CCDC125: variants seen among roughly 807,000 people sequenced by gnomAD.
CCDC125 encodes coiled-coil domain-containing protein 125.
Under a neutral mutation model 57.4 loss-of-function variants are expected in CCDC125, and 43 were observed. That is an observed-to-expected ratio of 0.75 (90% CI 0.59 to 0.97). The LOEUF (loss-of-function observed/expected upper bound fraction) is 0.97, where lower values mean the gene tolerates loss of function less well. CCDC125 is among the 50% of genes least tolerant of loss of function. The probability of loss-of-function intolerance (pLI) is 0.00; values close to 1 mark genes in which losing one functional copy is unlikely to be tolerated. For synonymous variants in CCDC125, 187 were observed against 195.2 expected, an observed-to-expected ratio of 0.96 and a Z score of 0.35; for missense variants, 563 against 595.7, an observed-to-expected ratio of 0.95 and a Z score of 0.57.
chr5:69,326,360 T>C (rs1760738186), intron 1 of CCDC125, among the ~76,000 whole-genome samples: 1 of 152,222 alleles, frequency 6.6e-6, no homozygotes, highest in Admixed American at 6.6e-5. Flanking sequence ...AAAATCATCT[T>C]GGTTCTTTTA....
intron 7 of CCDC125, 23 bp downstream of exon 7, chr5:69,303,824 C>T (rs778542252): frequency 6.5e-6 from 9 of 1,390,642 alleles, no homozygotes; most frequent in South Asian, 1.2e-5. Context: ...TACATGTGCT[C>T]TTAATACAAA....
chr5:69,301,850 T>C (rs993806700), intron 7 of CCDC125, among the ~76,000 whole-genome samples: 2 of 151,768 alleles, frequency 1.3e-5, no homozygotes, highest in African/African-American at 2.4e-5. Flanking sequence ...TGAGCCAAGA[T>C]TGTGCCACTG....
At chr5:69,279,188 A>G (rs1752343643), downstream of CCDC125, among the ~76,000 whole-genome samples, 1 of 135,000 alleles carries the variant, frequency 7.4e-6, no homozygotes, top group Admixed American at 8.1e-5. Context: ...TACCAAGCTC[A>G]TGCAGGTTTG....
At chr5:69,319,593 T>G (rs140335904) in intron 2 of CCDC125, among the ~76,000 whole-genome samples, 1 of 151,428 alleles carries the variant, frequency 6.6e-6, no homozygotes, top group South Asian at 2.1e-4. Flanking sequence ...GCCATTCTCC[T>G]GCCTCAGCCT....
rs1235121977 is a variant in CCDC125, at chr5:69,320,284, A to C, written c.257T>G (p.Phe86Cys). 1 of 1,614,076 alleles carries C rather than the reference A, an allele frequency of 6.2e-7. No individual in the cohort carries two copies. Among genetic ancestry groups the C allele is most frequent in the Non-Finnish European group, 8.5e-7 (1 of 1,180,008 alleles). The part of the protein sequence containing the change: ...YSKHKSQQDT[F>C]PQVSRISNYR... ...ATTGGAAATTCTGGACACTTGAGGG[A>C]ATGTATCTTGCTGGCTCTTATGCTT... Residue 86 changes from phenylalanine to cysteine, a missense_variant, in exon 2 of 12, where the codon TTC (phenylalanine) becomes TGC (cysteine). By Grantham distance (205) the Phe-to-Cys change is radical (BLOSUM62 -2). Transcript: ENST00000396496.
chr5:69,320,703 T>C (rs1759890967), intron 1 of CCDC125, 123 bp from the exon 2 acceptor site: 1 of 612,094 alleles, frequency 1.6e-6, no homozygotes, highest in Non-Finnish European at 2.9e-6. Context: ...CCATGTTTGC[T>C]GTAGCACTGT....
chr5:69,278,441 C>A (rs1009982598), downstream of CCDC125, among the ~76,000 whole-genome samples: 8 of 151,426 alleles, frequency 5.3e-5, no homozygotes, highest in Non-Finnish European at 1.2e-4. Context: ...TCTCGAACTC[C>A]TGACCTTTTC....
rs746479169 is a variant in CCDC125 at position 69,294,813 on chromosome 5, G to A, written c.904C>T (p.Leu302Phe). The change falls in exon 9 of 12, where the codon CTT (leucine) becomes TTT (phenylalanine). Residue 302 changes from leucine to phenylalanine, a missense_variant. Transcript: ENST00000396496. ...ARMAASTRKL[L>F]LQLKQELEIL... Reference sequence around the variant, plus strand: ...AATACCTCTTGTTTGAGCTGAAGAAGCAGTTTCCGAGTGGATGCTGCCATT... The same window carrying A: ...AATACCTCTTGTTTGAGCTGAAGAAACAGTTTCCGAGTGGATGCTGCCATT... The A allele has an allele frequency of 6.2e-7, 1 of 1,613,934 alleles. No homozygotes were observed. Among genetic ancestry groups the A allele is most frequent in the Non-Finnish European group, 8.5e-7 (1 of 1,179,792 alleles).
chr5:69,297,606 C>T (rs1755587202), intron 8 of CCDC125, among the ~76,000 whole-genome samples: 1 of 151,648 alleles, frequency 6.6e-6, no homozygotes, highest in African/African-American at 2.4e-5. Context: ...GATCCACCTG[C>T]CTCAGCCCCC....
chr5:69,322,205 C>T (rs2150620989), intron 1 of CCDC125, among the ~76,000 whole-genome samples: 1 of 151,950 alleles, frequency 6.6e-6, no homozygotes, highest in East Asian at 1.9e-4. Context: ...GGCTGGTCTC[C>T]AACTCGTGGG....
At chr5:69,323,420 G>A (rs916456084) in intron 1 of CCDC125, among the ~76,000 whole-genome samples, 4 of 151,958 alleles carry the variant, frequency 2.6e-5, no homozygotes, top group African/African-American at 9.7e-5. Flanking sequence ...TCTAAATTAC[G>A]TATAATATCT....
chr5:69,318,683 G>T (rs932242325), intron 2 of CCDC125, among the ~76,000 whole-genome samples: 7 of 151,736 alleles, frequency 4.6e-5, no homozygotes, highest in Non-Finnish European at 8.8e-5. Flanking sequence ...AACCCAGGAG[G>T]CGGAGGTTGC....
downstream of CCDC125, among the ~76,000 whole-genome samples, chr5:69,276,132 G>A (rs1316624149): frequency 2.0e-5 from 3 of 152,036 alleles, no homozygotes; most frequent in Non-Finnish European, 2.9e-5. Flanking sequence ...GGGTTCAAGC[G>A]ATTCTCCTAC....
At chr5:69,306,770 T>C (rs1757391763) in intron 6 of CCDC125, 47 bp downstream of exon 6, 2 of 1,348,220 alleles carry the variant, frequency 1.5e-6, no homozygotes, top group Admixed American at 3.0e-5. Context: ...TTGAATTACA[T>C]AGATTTTAAA....
At chr5:69,311,639 G>T (rs915923602) in intron 3 of CCDC125, among the ~76,000 whole-genome samples, 1 of 151,766 alleles carries the variant, frequency 6.6e-6, no homozygotes, top group Non-Finnish European at 1.5e-5. Context: ...GTGACAGCAA[G>T]ACTCTGTCTC....
chr5:69,313,830 A>G, intron 3 of CCDC125, 155 bp downstream of exon 3: 2 of 842,194 alleles, frequency 2.4e-6, no homozygotes, highest in Non-Finnish European at 4.2e-6. Context: ...ATGTCGTTGA[A>G]CACCTTGATG....
Position 69,294,914 on chromosome 5 carries a change from A to G in CCDC125, c.817-14T>C, listed in dbSNP as rs749623017. The G allele has an allele frequency of 6.9e-6, 11 of 1,605,700 alleles. No homozygotes were observed. The African/African-American group carries it at 1.3e-4, about 20-fold the overall frequency. ...GAGGACCGCAAGCTTTAAATTGAAAAGCATTGCTCCTGTTATTAAGTGTCA... is the reference window on the plus strand; with the variant it reads ...GAGGACCGCAAGCTTTAAATTGAAAGGCATTGCTCCTGTTATTAAGTGTCA... On this transcript the variant is annotated splice_polypyrimidine_tract_variant and intron_variant, in intron 8 of 11. Coordinates refer to ENST00000396496, the MANE Select transcript of CCDC125 (RefSeq NM_176816.5).
At chr5:69,314,260 T>C (rs897212880) in intron 2 of CCDC125, among the ~76,000 whole-genome samples, 1 of 151,496 alleles carries the variant, frequency 6.6e-6, no homozygotes, top group Non-Finnish European at 1.5e-5. Context: ...AGGTCAGGAG[T>C]TCAAGGCCAG....
In CCDC125 at chr5:69,306,871, A is replaced by T; in HGVS notation, c.563T>A (p.Phe188Tyr). ...TATATTTTTAAATCTATTATGATCA[A>T]ATTCTATTTCCCACTGCAAGGCATT... ...EINALQWEIE[F>Y]DHNRFKNIEE... is the part of the protein sequence containing the mutation. Residue 188 changes from phenylalanine (F) to tyrosine (Y), a missense_variant, in exon 6 of 12, where the codon TTT (phenylalanine) becomes TAT (tyrosine). Transcript: ENST00000396496. 3 of 1,527,340 alleles carry T rather than the reference A, an allele frequency of 2.0e-6. No homozygotes were observed. The highest frequency in any genetic ancestry group is 1.8e-6 in the Non-Finnish European group (2 of 1,142,622). The allele number at this position is 1,527,340 out of a possible 1,614,324, so 94.6% of individuals were successfully genotyped here. A position where few individuals can be genotyped will look rare whatever the true frequency, so the allele number is the denominator to read the frequency against.
Sources: allele counts gnomAD v4.1 joint callset (sites outside exome capture counted in the v4.1 genomes callset), GRCh38; gene constraint gnomAD v4.1.1; transcripts MANE v1.5; gene names NCBI Gene and HGNC (gene_info 2026-07-23, HGNC 2026-07-21).